C12orf76: variants seen among roughly 807,000 people sequenced by gnomAD.
The protein encoded by C12orf76 is chromosome 12 open reading frame 76.
In C12orf76, 6 loss-of-function variants were observed where a neutral mutation model predicts 6.8. The observed-to-expected ratio is 0.88, with a 90% CI of 0.48 to 1.73. The LOEUF (loss-of-function observed/expected upper bound fraction) is 1.73. Ranked by LOEUF, C12orf76 falls within the 40% of genes most tolerant of loss-of-function variation. C12orf76 has a pLI of 0.01. For missense variants in C12orf76, 99 were observed against 98.2 expected, an observed-to-expected ratio of 1.01 and a Z score of -0.03; for synonymous variants, 56 against 43.7, an observed-to-expected ratio of 1.28 and a Z score of -1.11.
upstream of C12orf76, among the ~76,000 whole-genome samples, chr12:110,068,247 AAAGAAG>A (rs4042063): frequency 0.049 from 3,125 of 63,516 alleles, 61 homozygotes; most frequent in African/African-American, 0.055. Flanking sequence ...GAAGAAGAAG[AAAGAAG>A]AAGAAGAAGA....
chr12:110,066,193 G>A (rs542101744), intron 1 of C12orf76, among the ~76,000 whole-genome samples: 54 of 151,892 alleles, frequency 3.6e-4, no homozygotes, highest in Non-Finnish European at 6.6e-4. Context: ...CCAACATGGC[G>A]AAGCCCTATC....
upstream of C12orf76, among the ~76,000 whole-genome samples, chr12:110,069,655 A>G (rs1201810207): frequency 6.6e-6 from 1 of 152,174 alleles, no homozygotes; most frequent in East Asian, 1.9e-4. Context: ...AAAATTATGT[A>G]CCTAGATTTA....
rs557990685 is a variant in C12orf76 at position 110,054,542 on chromosome 12, AC to A, written n.664+2646del. Among the ~76,000 whole-genome samples, 5 of 152,208 alleles carry A rather than the reference AC, an allele frequency of 3.3e-5. No homozygotes were observed. The South Asian group carries it at 8.3e-4, about 25-fold the overall frequency. On this transcript the variant is annotated intron_variant and non_coding_transcript_variant, in intron 4 of 4. Coordinates refer to the C12orf76 transcript ENST00000309050. The surrounding 1 kb of genome is among the most constrained non-coding windows in gnomAD (Gnocchi z 4.4). ...GAGAGTAGATTGGTAGTTGCAGGGG[AC>A]AGAGGGAGGGAGAAATGGCGAGTGA...
intron 4 of C12orf76, among the ~76,000 whole-genome samples, chr12:110,055,864 G>A (rs2137228914): frequency 6.6e-6 from 1 of 152,220 alleles, no homozygotes; most frequent in South Asian, 2.1e-4. Flanking sequence ...ATCAAGTGCA[G>A]GGTCTGCAAA....
At chr12:110,048,549 T>TG, upstream of C12orf76, 1 of 1,370,680 alleles carries the variant, frequency 7.3e-7, no homozygotes, top group Non-Finnish European at 9.4e-7. Context: ...GCCCTGCCTC[T>TG]GTCTCCTCCC....
In C12orf76 at chr12:110,058,307, T is replaced by C. The variant is rs188593665; in HGVS notation, n.556+681A>G. Among the ~76,000 whole-genome samples, 404 of 152,290 alleles carry C rather than the reference T, an allele frequency of 2.7e-3. 2 individuals are homozygous for C. Among genetic ancestry groups the C allele is most frequent in the African/African-American group, 9.3e-3 (387 of 41,562 alleles). Reference sequence around the variant, plus strand: ...ACAGTAAAGATATCTGTGATAAAGATAGATCTATGATACACAATCATTTTC... The same window carrying C: ...ACAGTAAAGATATCTGTGATAAAGACAGATCTATGATACACAATCATTTTC... On this transcript the variant is annotated intron_variant and non_coding_transcript_variant, in intron 3 of 4. Transcript: ENST00000309050.
At chr12:110,072,948 C>CAA (rs199763898) in intron 1 of C12orf76, among the ~76,000 whole-genome samples, 33 of 100,436 alleles carry the variant, frequency 3.3e-4, no homozygotes, top group African/African-American at 9.3e-4. Flanking sequence ...GACTTCATCT[C>CAA]AAAAAAAAAA....
At chr12:110,058,549 C>T (rs1392680936) in intron 3 of C12orf76, among the ~76,000 whole-genome samples, 1 of 152,158 alleles carries the variant, frequency 6.6e-6, no homozygotes, top group Non-Finnish European at 1.5e-5. Flanking sequence ...CTTGTAATCC[C>T]AGCTACTTGG....
At chr12:110,065,362 G>A (rs543096489) in intron 2 of C12orf76, among the ~76,000 whole-genome samples, 4 of 152,020 alleles carry the variant, frequency 2.6e-5, no homozygotes, top group African/African-American at 9.7e-5. Context: ...GTAGAGACGG[G>A]GTTTTGCGAC....
chr12:110,045,015 T>C lies in C12orf76; in HGVS notation c.134-2556A>G, dbSNP rs1892413485. Among the ~76,000 whole-genome samples the C allele has an allele frequency of 3.9e-5, 6 of 152,064 alleles. No individual in the cohort carries two copies. In the South Asian group the frequency reaches 1.2e-3, roughly 32 times the overall value. ...AAAGAAAAGAAAATTCATCTTTTTT[T>C]GGTGAGTGAGGGGGAAGAAGGAAGG... On this transcript the variant is annotated intron_variant, in intron 1 of 1. Coordinates refer to ENST00000615315, the MANE Select transcript of C12orf76 (RefSeq NM_001389625.1).
At chr12:110,059,141 A>G (rs775653113) in exon 3 of C12orf76, 41 of 1,546,854 alleles carry the variant, frequency 2.7e-5, no homozygotes, top group Non-Finnish European at 3.5e-5. Flanking sequence ...TATTTTTCCA[A>G]TTTCCTTTTC....
chr12:110,048,662 A>T, upstream of C12orf76: 1 of 1,272,100 alleles, frequency 7.9e-7, no homozygotes, highest in Non-Finnish European at 9.9e-7. Flanking sequence ...TTTGTTCCGG[A>T]TTAACGTTCC....
At chr12:110,057,918 G>A (rs1476104478) in intron 3 of C12orf76, among the ~76,000 whole-genome samples, 1 of 151,778 alleles carries the variant, frequency 6.6e-6, no homozygotes, top group Non-Finnish European at 1.5e-5. Context: ...ACAAAAATTA[G>A]CCAGGCACAG....
chr12:110,058,934 C>G, intron 3 of C12orf76: 1 of 1,475,274 alleles, frequency 6.8e-7, no homozygotes. Flanking sequence ...TTACTCCCCC[C>G]CACCAAAAAA....
upstream of C12orf76, among the ~76,000 whole-genome samples, chr12:110,069,984 T>C (rs918543258): frequency 6.6e-6 from 1 of 152,134 alleles, no homozygotes; most frequent in African/African-American, 2.4e-5. Context: ...GCATGGTGGC[T>C]CACACTGTAA....
At chr12:110,057,149 A>G (rs1892683630) in intron 4 of C12orf76, 1 of 1,407,816 alleles carries the variant, frequency 7.1e-7, no homozygotes. Context: ...CAGAGTCCCA[A>G]TCCACATGCT....
intron 3 of C12orf76, chr12:110,057,422 C>CACTGT: frequency 1.5e-6 from 1 of 665,974 alleles, no homozygotes; most frequent in Non-Finnish European, 2.7e-6. Context: ...AGAACAGTGG[C>CACTGT]GCCGGGCACT....
At chr12:110,068,257 AAGAAG>A (rs1327034696), upstream of C12orf76, among the ~76,000 whole-genome samples, 36 of 64,434 alleles carry the variant, frequency 5.6e-4, no homozygotes, top group African/African-American at 2.3e-3. Context: ...AAAGAAGAAG[AAGAAG>A]AAGAAGAAGA....
At chr12:110,068,251 AAGAAGAAGAAG>A (rs1892903070), upstream of C12orf76, among the ~76,000 whole-genome samples, 1 of 25,594 alleles carries the variant, frequency 3.9e-5, no homozygotes, top group African/African-American at 1.8e-4. Flanking sequence ...AAGAAGAAAG[AAGAAGAAGAAG>A]AAGAAGAAGA....
Sources: gnomAD v4.1 joint callset for allele counts (sites outside exome capture counted in the v4.1 genomes callset) on GRCh38, gnomAD v4.1.1 for gene constraint, Gnocchi (gnomAD v3.1) non-coding constraint, MANE v1.5 for transcripts, NCBI Gene and HGNC (gene_info 2026-07-23, HGNC 2026-07-21) for gene names.